Variants in MAPRE3 observed in about 807,000 individuals in gnomAD.
MAPRE3 encodes the protein microtubule associated protein RP/EB family member 3.
In MAPRE3, 2 loss-of-function variants were observed where a neutral mutation model predicts 30.5. The observed-to-expected ratio is 0.07, with a 90% CI of 0.03 to 0.21. The LOEUF (loss-of-function observed/expected upper bound fraction) is 0.21. Ranked by LOEUF, MAPRE3 falls within the 10% of genes least tolerant of loss-of-function variation. The pLI is 1.00. For synonymous variants in MAPRE3, 110 were observed against 127.7 expected (o/e 0.86, Z 0.93); for missense variants, 204 against 351.8 (o/e 0.58, Z 3.36).
At chr2:27,004,161 T>G (rs541203639) in intron 1 of MAPRE3, among the ~76,000 whole-genome samples, 1 of 152,256 alleles carries the variant, frequency 6.6e-6, no homozygotes, top group South Asian at 2.1e-4. Context: ...CCAGAGGATC[T>G]CTCATGCCTG....
rs139399075 is a variant in MAPRE3 at position 26,971,149 on chromosome 2, C to T, written c.-8+347C>T. On this transcript the variant is annotated intron_variant, in intron 1 of 6. Transcript: ENST00000233121. ...AAACTACCTCCCGTCCGCCCTTATC[C>T]CTTCTCCCTCCTCCTCACTCCTCCT... 1.6e-4 allele frequency among the ~76,000 whole-genome samples: 25 copies of T among 152,348 alleles called. No homozygotes were observed. The East Asian group carries it at 4.8e-3, about 29-fold the overall frequency.
chr2:27,002,332 A>G (rs1282040786), intron 1 of MAPRE3, among the ~76,000 whole-genome samples: 2 of 152,138 alleles, frequency 1.3e-5, no homozygotes, highest in Non-Finnish European at 2.9e-5. Flanking sequence ...CTAAAGTTTT[A>G]CACATATCTA....
At chr2:26,971,641 A>T (rs1665918573) in intron 1 of MAPRE3, among the ~76,000 whole-genome samples, 3 of 150,974 alleles carry the variant, frequency 2.0e-5, no homozygotes, top group Admixed American at 2.0e-4. Context: ...TTTAAATCGC[A>T]CTACAACCCT....
At position 26,985,178 on chromosome 2, in the gene MAPRE3, G is replaced by A. The variant is rs943055329; in HGVS notation, c.-8+14376G>A. Among the ~76,000 whole-genome samples, 1 of 152,170 alleles carries A rather than the reference G, an allele frequency of 6.6e-6. No individual in the cohort carries two copies. The highest frequency in any genetic ancestry group is 2.4e-5 in the African/African-American group (1 of 41,444). On this transcript the variant is annotated intron_variant, in intron 1 of 6. Transcript: ENST00000233121. The surrounding 1 kb of genome is among the most constrained non-coding windows in gnomAD (Gnocchi z 4.2). ...TTTGCTTAGTACCGTTTAGGTAGAT[G>A]GTGCTTCGGCCCTGAGAGAGATTGT...
intron 1 of MAPRE3, among the ~76,000 whole-genome samples, chr2:27,010,439 C>CTTTTTTT (rs71401549): frequency 1.7e-5 from 2 of 115,498 alleles, no homozygotes; most frequent in Non-Finnish European, 3.4e-5. Flanking sequence ...ATCTGTATTT[C>CTTTTTTT]TTTTTTTTTT....
intron 1 of MAPRE3, among the ~76,000 whole-genome samples, chr2:26,974,625 G>A (rs778812693): frequency 2.2e-4 from 33 of 152,180 alleles, no homozygotes; most frequent in Non-Finnish European, 3.4e-4. Flanking sequence ...CTCTCCTTGG[G>A]AAGCGCGGAG....
chr2:26,986,571 T>TG lies in MAPRE3; in HGVS notation c.-8+15774dup, dbSNP rs1666224396. ...AGCTACGTCAGCTGCAACAGAAAGA[T>TG]GGGGGTATGAATGTGAGCTAGGCAA... On this transcript the variant is annotated intron_variant, in intron 1 of 6. Transcript: ENST00000233121. The surrounding 1 kb of genome is among the most constrained non-coding windows in gnomAD (Gnocchi z 4.2). The TG allele has an allele frequency of 6.6e-6, 1 of 152,018 alleles. No individual in the cohort carries two copies. Among genetic ancestry groups the TG allele is most frequent in the South Asian group, 2.1e-4 (1 of 4,826 alleles). The allele number at this position is 152,018 out of a possible 1,614,324, so 9.4% of individuals were successfully genotyped here. A position where few individuals can be genotyped will look rare whatever the true frequency, so the allele number is the denominator to read the frequency against.
At chr2:27,003,117 T>C (rs1419871708) in intron 1 of MAPRE3, 1 of 152,434 alleles carries the variant, frequency 6.6e-6, no homozygotes, top group Admixed American at 6.5e-5. Context: ...TATGAAGTAA[T>C]TACTAACTGG....
intron 1 of MAPRE3, among the ~76,000 whole-genome samples, chr2:26,991,943 G>T (rs147458886): frequency 6.6e-6 from 1 of 152,218 alleles, no homozygotes; most frequent in East Asian, 1.9e-4. Flanking sequence ...TAGGCCACAC[G>T]TGGAAATTGA....
intron 1 of MAPRE3, among the ~76,000 whole-genome samples, chr2:26,995,910 C>T (rs1354403890): frequency 6.6e-6 from 1 of 150,382 alleles, no homozygotes; most frequent in Non-Finnish European, 1.5e-5. Context: ...ATTCCGGCCA[C>T]AGAAGACAGT....
At chr2:26,976,845 T>G (rs1048753826) in intron 1 of MAPRE3, among the ~76,000 whole-genome samples, 1 of 152,236 alleles carries the variant, frequency 6.6e-6, no homozygotes, top group African/African-American at 2.4e-5. Flanking sequence ...CTTAAAAGGA[T>G]GTATATCCTT....
chr2:26,998,837 C>A (rs1035207398), intron 1 of MAPRE3, among the ~76,000 whole-genome samples: 3 of 152,196 alleles, frequency 2.0e-5, no homozygotes, highest in African/African-American at 7.2e-5. Context: ...CACAGTTTTG[C>A]AAACCTTATA....
Position 26,986,156 on chromosome 2 carries a change from A to G in MAPRE3, c.-8+15354A>G, listed in dbSNP as rs1373185308. On this transcript the variant is annotated intron_variant, in intron 1 of 6. Coordinates refer to ENST00000233121, the MANE Select transcript of MAPRE3 (RefSeq NM_012326.4). The surrounding 1 kb of genome is among the most constrained non-coding windows in gnomAD (Gnocchi z 4.2). ...CCTCCATCCTCTAAAGGCTGCCCACATTCACTGGCTCCTGGCAGCGCATCA... is the reference window on the plus strand; with the variant it reads ...CCTCCATCCTCTAAAGGCTGCCCACGTTCACTGGCTCCTGGCAGCGCATCA... 2.0e-5 allele frequency among the ~76,000 whole-genome samples: 3 copies of G among 152,122 alleles called. No individual in the cohort carries two copies. The highest frequency in any genetic ancestry group is 4.8e-5 in the African/African-American group (2 of 41,420).
At chr2:27,007,549 CAG>C (rs1378273009) in intron 1 of MAPRE3, among the ~76,000 whole-genome samples, 2 of 152,292 alleles carry the variant, frequency 1.3e-5, no homozygotes, top group East Asian at 3.9e-4. Context: ...TGAAAGAAAA[CAG>C]TAGATAGCTG....
intron 1 of MAPRE3, among the ~76,000 whole-genome samples, chr2:26,994,821 CTTCTT>C (rs1666417707): frequency 1.0e-5 from 1 of 95,684 alleles, no homozygotes; most frequent in African/African-American, 3.3e-5. Context: ...TCTTCTTCTT[CTTCTT>C]TTTTTTTTTT....
chr2:26,986,528 C>T lies in MAPRE3; in HGVS notation c.-8+15726C>T, dbSNP rs887629820. ...AATGTATTACCTGCACAGGTTCTCTCAGGCAGAAAACATGGAAAGCTACGT... is the reference window on the plus strand; with the variant it reads ...AATGTATTACCTGCACAGGTTCTCTTAGGCAGAAAACATGGAAAGCTACGT... On this transcript the variant is annotated intron_variant, in intron 1 of 6. Transcript: ENST00000233121. The surrounding 1 kb of genome is among the most constrained non-coding windows in gnomAD (Gnocchi z 4.2). 3.9e-5 allele frequency: 6 copies of T among 152,144 alleles called. No individual in the cohort carries two copies. The highest frequency in any genetic ancestry group is 1.4e-4 in the African/African-American group (6 of 41,428). 9.4% of individuals were successfully genotyped at this position (152,144 alleles called of 1,614,324 possible).
chr2:27,016,617 C>T (rs1452917383), intron 1 of MAPRE3, among the ~76,000 whole-genome samples: 1 of 152,060 alleles, frequency 6.6e-6, no homozygotes, highest in Admixed American at 6.6e-5. Flanking sequence ...ATCTCCTGAC[C>T]TCATGATCCG....
At chr2:26,980,587 G>T (rs1316263137) in intron 1 of MAPRE3, among the ~76,000 whole-genome samples, 1 of 152,150 alleles carries the variant, frequency 6.6e-6, no homozygotes, top group Admixed American at 6.5e-5. Context: ...TGGGCAGTTG[G>T]AGTATTTTGC....
At chr2:27,024,684 C>T (rs1027878015) in intron 4 of MAPRE3, among the ~76,000 whole-genome samples, 3 of 152,210 alleles carry the variant, frequency 2.0e-5, no homozygotes, top group African/African-American at 2.4e-5. Flanking sequence ...TTGCCCCCTG[C>T]CCCCTGGATG....
Sources: allele counts gnomAD v4.1 joint callset (sites outside exome capture counted in the v4.1 genomes callset), GRCh38; gene constraint gnomAD v4.1.1; non-coding constraint Gnocchi (gnomAD v3.1); transcripts MANE v1.5; gene names NCBI Gene and HGNC (gene_info 2026-07-23, HGNC 2026-07-21).